The following GTF2IRD1 variants were observed in gnomAD, a reference collection of about 807,000 sequenced individuals.
The protein encoded by GTF2IRD1 is GTF2I repeat domain containing 1, also known as general transcription factor II-I repeat domain-containing protein 1.
GTF2IRD1 carries 26 observed loss-of-function variants against 113.2 expected under a neutral mutation model. The ratio of observed to expected loss-of-function variants is 0.23; its 90% CI spans 0.17 to 0.32. The LOEUF (loss-of-function observed/expected upper bound fraction) is 0.32, where lower values mean the gene tolerates loss of function less well. GTF2IRD1 is among the 10% of genes least tolerant of loss of function. GTF2IRD1 has a pLI of 1.00. For synonymous variants in GTF2IRD1, 484 were observed against 529.1 expected, an observed-to-expected ratio of 0.91 and a Z score of 1.17; for missense variants, 864 against 1,280.8, an observed-to-expected ratio of 0.67 and a Z score of 4.97.
chr7:74,528,922 G>GACGT (rs1233071486), intron 8 of GTF2IRD1, among the ~76,000 whole-genome samples: 1 of 150,176 alleles, frequency 6.7e-6, no homozygotes, highest in Admixed American at 6.7e-5. Flanking sequence ...TGGATGGATG[G>GACGT]ACGGACAACC....
At chr7:74,595,257 T>G (rs1554371880) in intron 25 of GTF2IRD1, among the ~76,000 whole-genome samples, 3 of 151,330 alleles carry the variant, frequency 2.0e-5, no homozygotes. Flanking sequence ...AATGCAACAA[T>G]TAGCTGGGCG....
intron 16 of GTF2IRD1, 51 bp downstream of exon 16, chr7:74,545,860 C>T (rs181982764): frequency 2.2e-5 from 31 of 1,390,292 alleles, no homozygotes; most frequent in Non-Finnish European, 2.7e-5. Context: ...CCCCTCCAGC[C>T]GCCCTGTTTG....
chr7:74,496,361 CATGTGTGTGTGCATAT>C (rs1199829588), intron 1 of GTF2IRD1, among the ~76,000 whole-genome samples: 1 of 121,192 alleles, frequency 8.3e-6, no homozygotes, highest in African/African-American at 3.2e-5. Context: ...TGTGTGGGTG[CATGTGTGTGTGCATAT>C]ATGTGTGTGA....
At chr7:74,520,160 A>G (rs1797195532) in intron 6 of GTF2IRD1, among the ~76,000 whole-genome samples, 1 of 150,588 alleles carries the variant, frequency 6.6e-6, no homozygotes, top group African/African-American at 2.4e-5. Context: ...GGAGATCCAC[A>G]TCACGTGCTA....
At chr7:74,536,337 T>A in intron 11 of GTF2IRD1, 62 bp downstream of exon 11, 1 of 1,034,194 alleles carries the variant, frequency 9.7e-7, no homozygotes, top group Non-Finnish European at 1.5e-6. Flanking sequence ...TGAGGCAGTG[T>A]TACCTGCAAG....
intron 25 of GTF2IRD1, among the ~76,000 whole-genome samples, chr7:74,598,926 A>G (rs1397564876): frequency 6.6e-6 from 1 of 152,092 alleles, no homozygotes; most frequent in African/African-American, 2.4e-5. Flanking sequence ...ACAGACCCCC[A>G]GTTTCTGACT....
chr7:74,541,647 A>G (rs1362537030), intron 14 of GTF2IRD1, among the ~76,000 whole-genome samples: 1 of 152,006 alleles, frequency 6.6e-6, no homozygotes, highest in Non-Finnish European at 1.5e-5. Flanking sequence ...TACAACTGTA[A>G]TTCACCATTT....
In GTF2IRD1 at chr7:74,508,061, C is replaced by A; in HGVS notation, c.-6-14C>A. 1 of 1,599,316 alleles carries A rather than the reference C, an allele frequency of 6.3e-7. No individual in the cohort carries two copies. Among genetic ancestry groups the A allele is most frequent in the Non-Finnish European group, 8.5e-7 (1 of 1,176,900 alleles). ...GCCTTGTGCCCACCACCACTGCCTC[C>A]TCCCTCCCCACAGGCGACCATGGCC... On this transcript the variant is annotated splice_polypyrimidine_tract_variant and intron_variant, in intron 1 of 26. Transcript: ENST00000424337.
At chr7:74,517,905 G>A (rs1562826308) in intron 4 of GTF2IRD1, among the ~76,000 whole-genome samples, 1 of 152,210 alleles carries the variant, frequency 6.6e-6, no homozygotes, top group Non-Finnish European at 1.5e-5. Flanking sequence ...CAGGGAACCT[G>A]CTTGGTGGGG....
In GTF2IRD1 at chr7:74,538,150, G is replaced by A. The variant is rs368607820; in HGVS notation, c.1424G>A (p.Ser475Asn). 5 of 1,612,416 alleles carry A rather than the reference G, an allele frequency of 3.1e-6. No homozygotes were observed. The highest frequency in any genetic ancestry group is 3.4e-6 in the Non-Finnish European group (4 of 1,179,798). ...LAGNARSDKG[S>N]MSEDCGPGTS... ...TCCCTTCACAGGTCAGACAAGGGCA[G>A]CATGTCTGAAGACTGTGGGCCAGGT... The change falls in exon 12 of 27, where the codon AGC (serine) becomes AAC (asparagine). Residue 475 changes from serine to asparagine, a missense_variant. By Grantham distance (46) the Ser-to-Asn change is conservative. Transcript: ENST00000424337.
intron 17 of GTF2IRD1, among the ~76,000 whole-genome samples, chr7:74,548,417 G>A (rs1554353968): frequency 1.3e-5 from 2 of 149,054 alleles, no homozygotes; most frequent in Non-Finnish European, 3.0e-5. Flanking sequence ...GCGAGACTTC[G>A]TCTCAAAAAA....
At chr7:74,548,242 C>T (rs1166386667) in intron 17 of GTF2IRD1, among the ~76,000 whole-genome samples, 5 of 151,520 alleles carry the variant, frequency 3.3e-5, no homozygotes, top group African/African-American at 1.2e-4. Flanking sequence ...ACGGTGAAAC[C>T]CCGTCTCTAC....
At chr7:74,489,204 A>G (rs1406213767) in intron 1 of GTF2IRD1, among the ~76,000 whole-genome samples, 1 of 152,182 alleles carries the variant, frequency 6.6e-6, no homozygotes, top group Non-Finnish European at 1.5e-5. Flanking sequence ...ATCTGGGGTC[A>G]TACAGGACCA....
At chr7:74,486,632 A>G (rs959191350) in intron 1 of GTF2IRD1, among the ~76,000 whole-genome samples, 12 of 152,158 alleles carry the variant, frequency 7.9e-5, no homozygotes, top group African/African-American at 2.4e-4. Flanking sequence ...AGTTGGTTAT[A>G]TGGGGATTGA....
intron 1 of GTF2IRD1, among the ~76,000 whole-genome samples, chr7:74,492,772 G>A (rs1028996450): frequency 5.3e-5 from 8 of 151,854 alleles, no homozygotes; most frequent in South Asian, 2.1e-4. Flanking sequence ...AGAGGCTCTC[G>A]GGGGGAATCT....
chr7:74,515,574 G>A lies in GTF2IRD1; in HGVS notation c.399G>A (p.Glu133=). The change falls in exon 4 of 27, where the codon GAG becomes GAA. Residue 133 remains glutamate, a synonymous_variant. Coordinates refer to ENST00000424337, the MANE Select transcript of GTF2IRD1 (RefSeq NM_005685.4). ...TGTACCTTCTGCGGAAGATGGTAGA[G>A]GAGGTGTTTGATGTTCTTTATAGTA... ...SDVYLLRKMV[E]EVFDVLYSEA... The A allele has an allele frequency of 1.2e-6, 2 of 1,612,986 alleles. No homozygotes were observed. Among genetic ancestry groups the A allele is most frequent in the Non-Finnish European group, 1.7e-6 (2 of 1,179,188 alleles).
chr7:74,526,644 G>A (rs1170133743), intron 8 of GTF2IRD1, among the ~76,000 whole-genome samples: 2 of 152,210 alleles, frequency 1.3e-5, no homozygotes, highest in Non-Finnish European at 2.9e-5. Context: ...GGCAACAGCA[G>A]GGTTCGGGGG....
intron 3 of GTF2IRD1, among the ~76,000 whole-genome samples, chr7:74,513,394 C>T (rs1796748105): frequency 6.6e-6 from 1 of 152,176 alleles, no homozygotes; most frequent in Admixed American, 6.5e-5. Context: ...CAACCTCTGC[C>T]TCCCAGGTTC....
rs199706167 is a variant in GTF2IRD1, at chr7:74,529,811, G to A, written c.1168G>A (p.Val390Met). The change falls in exon 9 of 27, where the codon GTG becomes ATG. Residue 390 changes from valine (V) to methionine (M), a missense_variant. By Grantham distance (21) the Val-to-Met change is conservative. This residue lies in a region of GTF2IRD1 where 218 missense variants were observed against 352.6 expected (regional missense o/e 0.62). Transcript: ENST00000424337. Reference protein sequence around the residue: ...IACDPEAVEIVGIPDKIPFKR... With the variant: ...IACDPEAVEIMGIPDKIPFKR... ...CTGTGACCCGGAGGCTGTGGAGATCGTGGGCATCCCGGACAAGATCCCCTT... is the reference window on the plus strand; with the variant it reads ...CTGTGACCCGGAGGCTGTGGAGATCATGGGCATCCCGGACAAGATCCCCTT... 5.0e-6 allele frequency: 8 copies of A among 1,613,382 alleles called. No individual in the cohort carries two copies. The highest frequency in any genetic ancestry group is 4.5e-5 in the East Asian group (2 of 44,804).
Sources: allele counts gnomAD v4.1 joint callset (sites outside exome capture counted in the v4.1 genomes callset), GRCh38; gene constraint gnomAD v4.1.1; regional missense constraint gnomAD v4.1.1; transcripts MANE v1.5; gene names NCBI Gene and HGNC (gene_info 2026-07-23, HGNC 2026-07-21).